The following SRGAP3 variants were observed in gnomAD, a reference collection of about 807,000 sequenced individuals.
SRGAP3 encodes SLIT-ROBO Rho GTPase activating protein 3, also known as SLIT-ROBO Rho GTPase-activating protein 3.
SRGAP3 carries 39 observed loss-of-function variants against 121.1 expected under a neutral mutation model. The ratio of observed to expected loss-of-function variants is 0.32; its 90% CI spans 0.25 to 0.42. The LOEUF (loss-of-function observed/expected upper bound fraction) is 0.42. Among genes scored for constraint, SRGAP3 ranks in the 10% least tolerant of loss-of-function variants. The pLI is 1.00. For synonymous variants in SRGAP3, 601 were observed against 570.0 expected, an observed-to-expected ratio of 1.05 and a Z score of -0.77; for missense variants, 1,213 against 1,470.6, an observed-to-expected ratio of 0.82 and a Z score of 2.86.
chr3:9,025,911 TAGG>T (rs1211615144), intron 13 of SRGAP3, among the ~76,000 whole-genome samples: 2 of 152,208 alleles, frequency 1.3e-5, no homozygotes, highest in Non-Finnish European at 2.9e-5. Flanking sequence ...CATTATAATT[TAGG>T]AAGTATTTAC....
At chr3:9,247,940 A>G (rs1229399132) in intron 1 of SRGAP3, among the ~76,000 whole-genome samples, 2 of 152,206 alleles carry the variant, frequency 1.3e-5, no homozygotes, top group East Asian at 3.9e-4. Context: ...GGGTGGGAGA[A>G]GCCCCAGTCT....
intron 5 of SRGAP3, 130 bp downstream of exon 5, chr3:9,064,265 TC>T (rs1288346862): frequency 2.3e-5 from 28 of 1,239,278 alleles, no homozygotes; most frequent in African/African-American, 3.0e-5. Context: ...CATTGTCCCA[TC>T]CCCCCTACCC....
chr3:9,231,969 T>G (rs1254116566), intron 1 of SRGAP3, among the ~76,000 whole-genome samples: 1 of 152,194 alleles, frequency 6.6e-6, no homozygotes, highest in Non-Finnish European at 1.5e-5. Context: ...CCCCAGACTC[T>G]GGCCACTGCA....
intron 3 of SRGAP3, among the ~76,000 whole-genome samples, chr3:9,318,376 G>A (rs1030807196): frequency 4.0e-5 from 6 of 151,608 alleles, no homozygotes; most frequent in Admixed American, 3.9e-4. Context: ...CAGGGCACAG[G>A]GCCCCTCTCT....
At chr3:9,107,409 C>A (rs958033087) in intron 2 of SRGAP3, among the ~76,000 whole-genome samples, 6 of 152,212 alleles carry the variant, frequency 3.9e-5, no homozygotes, top group Non-Finnish European at 5.9e-5. Flanking sequence ...TCGTTCTCCT[C>A]CAGTGTGTTC....
intron 21 of SRGAP3, among the ~76,000 whole-genome samples, chr3:8,986,542 G>C (rs1361203837): frequency 1.3e-5 from 2 of 152,144 alleles, no homozygotes; most frequent in Admixed American, 1.3e-4. Context: ...GCTCAGACTG[G>C]TTAAGTAACT....
intron 1 of SRGAP3, among the ~76,000 whole-genome samples, chr3:9,170,754 C>T (rs1189434670): frequency 1.3e-5 from 2 of 152,228 alleles, no homozygotes; most frequent in Non-Finnish European, 2.9e-5. Context: ...GAGGTGAGGG[C>T]ACATGCCCAG....
At chr3:9,293,426 A>G (rs1470118826) in intron 3 of SRGAP3, 1 of 152,232 alleles carries the variant, frequency 6.6e-6, no homozygotes, top group Non-Finnish European at 1.5e-5. Flanking sequence ...ACTCAGAAAT[A>G]TCTGTCTTCC....
rs142993399 is a variant in SRGAP3, at chr3:9,001,109, A to G, written c.2228-6586T>C. ...GGAAGGGGAGGGGATATGGGGAGCA[A>G]TTGCTCAACAGGTACAATGTTAGAG... is the stretch of plus-strand genomic sequence containing the variant. On this transcript the variant is annotated intron_variant, in intron 18 of 21. Transcript: ENST00000383836. Among the ~76,000 whole-genome samples the G allele has an allele frequency of 3.0e-3, 453 of 152,372 alleles. 5 individuals carry two copies. The highest frequency in any genetic ancestry group is 0.011 in the African/African-American group (438 of 41,588).
chr3:9,130,244 G>A (rs552094639), intron 1 of SRGAP3, among the ~76,000 whole-genome samples: 5 of 152,136 alleles, frequency 3.3e-5, no homozygotes, highest in South Asian at 2.1e-4. Context: ...TACATTCAAC[G>A]TGGATGTATA....
intron 3 of SRGAP3, among the ~76,000 whole-genome samples, chr3:9,302,772 C>T (rs1243648467): frequency 6.6e-6 from 1 of 152,060 alleles, no homozygotes; most frequent in Non-Finnish European, 1.5e-5. Context: ...CCTGGCGAAC[C>T]GCTCTGAGAA....
chr3:9,360,844 GGA>G (rs1352611491), intron 1 of SRGAP3, among the ~76,000 whole-genome samples: 1 of 152,106 alleles, frequency 6.6e-6, no homozygotes, highest in Non-Finnish European at 1.5e-5. Flanking sequence ...AAATTTAGGT[GGA>G]GTCACAGAGC....
At chr3:9,323,529 C>G (rs6443230) in intron 3 of SRGAP3, among the ~76,000 whole-genome samples, 7,245 of 151,616 alleles carry the variant, frequency 0.048, 541 homozygotes, top group African/African-American at 0.16. Flanking sequence ...TCTCGAAGGC[C>G]TAGAGTTTTC....
At chr3:9,059,776 T>G in intron 6 of SRGAP3, 1 of 278,090 alleles carries the variant, frequency 3.6e-6, no homozygotes, top group Non-Finnish European at 7.1e-6. Context: ...TATAATTAAG[T>G]CTGTCTCATT....
chr3:9,051,349 C>A (rs1574981384), intron 9 of SRGAP3, among the ~76,000 whole-genome samples: 1 of 152,158 alleles, frequency 6.6e-6, no homozygotes, highest in African/African-American at 2.4e-5. Context: ...TTGGCCTTGG[C>A]CTTGGTATAC....
intron 3 of SRGAP3, among the ~76,000 whole-genome samples, chr3:9,283,934 A>G (rs533210128): frequency 7.1e-4 from 108 of 152,298 alleles, no homozygotes; most frequent in Non-Finnish European, 1.2e-3. Context: ...GGCAGAATTC[A>G]TTTGCCTAAC....
intron 1 of SRGAP3, among the ~76,000 whole-genome samples, chr3:9,182,331 T>G (rs1427453750): frequency 6.6e-6 from 1 of 151,924 alleles, no homozygotes; most frequent in Non-Finnish European, 1.5e-5. Context: ...ATGACTGATA[T>G]CCTTGTAAAA....
intron 10 of SRGAP3, among the ~76,000 whole-genome samples, chr3:9,041,790 C>T (rs991910029): frequency 1.3e-5 from 2 of 152,190 alleles, no homozygotes; most frequent in Admixed American, 1.3e-4. Context: ...CTGGTAGCCA[C>T]ATTACAAAAC....
chr3:9,074,727 C>T (rs930345763), intron 4 of SRGAP3, among the ~76,000 whole-genome samples: 2 of 152,194 alleles, frequency 1.3e-5, no homozygotes, highest in Admixed American at 6.5e-5. Flanking sequence ...ACACCTTTGC[C>T]AAGATTTGCC....
Sources: allele counts gnomAD v4.1 joint callset (sites outside exome capture counted in the v4.1 genomes callset), GRCh38; gene constraint gnomAD v4.1.1; transcripts MANE v1.5; gene names NCBI Gene and HGNC (gene_info 2026-07-23, HGNC 2026-07-21).